MDFIC2: variants seen among roughly 807,000 people sequenced by gnomAD.
MDFIC2 encodes the protein myoD family inhibitor domain-containing protein 2.
At chr3:70,253,251 A>T (rs993697215) in intron 2 of MDFIC2, among the ~76,000 whole-genome samples, 10 of 152,190 alleles carry the variant, frequency 6.6e-5, no homozygotes, top group Non-Finnish European at 1.2e-4. Context: ...TCCTGAAAGA[A>T]GTAATAGAGG....
At chr3:70,229,297 C>T (rs930849285) in intron 2 of MDFIC2, among the ~76,000 whole-genome samples, 1 of 152,160 alleles carries the variant, frequency 6.6e-6, no homozygotes, top group Non-Finnish European at 1.5e-5. Context: ...GCAACCATGT[C>T]AGTGCCTATA....
chr3:70,303,842 T>G (rs907773631), intron 2 of MDFIC2, among the ~76,000 whole-genome samples: 1 of 152,000 alleles, frequency 6.6e-6, no homozygotes, highest in East Asian at 1.9e-4. Context: ...CCACCATGCC[T>G]GTGTAATTTT....
intron 2 of MDFIC2, among the ~76,000 whole-genome samples, chr3:70,308,705 T>C (rs1702426200): frequency 6.6e-6 from 1 of 152,174 alleles, no homozygotes; most frequent in African/African-American, 2.4e-5. Flanking sequence ...ACTTACACCT[T>C]GTCTCTAGTC....
At chr3:70,220,884 G>A (rs534553349) in intron 2 of MDFIC2, among the ~76,000 whole-genome samples, 1 of 152,254 alleles carries the variant, frequency 6.6e-6, no homozygotes, top group East Asian at 1.9e-4. Context: ...CATCAGGGAG[G>A]GGAACCATGC....
intron 2 of MDFIC2, among the ~76,000 whole-genome samples, chr3:70,298,650 T>C (rs180824672): frequency 6.6e-6 from 1 of 152,264 alleles, no homozygotes; most frequent in African/African-American, 2.4e-5. Context: ...GGAATCCAAC[T>C]GAATGAGTAA....
chr3:70,218,381 C>A (rs1055234037), intron 2 of MDFIC2, among the ~76,000 whole-genome samples: 1 of 152,086 alleles, frequency 6.6e-6, no homozygotes, highest in Non-Finnish European at 1.5e-5. Context: ...CTATTTTTCC[C>A]TTTTTTACTA....
intron 2 of MDFIC2, among the ~76,000 whole-genome samples, chr3:70,275,319 G>C (rs966775835): frequency 1.3e-5 from 2 of 152,004 alleles, no homozygotes; most frequent in Admixed American, 6.6e-5. Flanking sequence ...GCCCAGCCCA[G>C]GCAACATAGT....
intron 2 of MDFIC2, among the ~76,000 whole-genome samples, chr3:70,207,299 C>G (rs999643730): frequency 1.3e-5 from 2 of 152,064 alleles, no homozygotes; most frequent in Admixed American, 6.6e-5. Context: ...TAAGCTCATT[C>G]CTGCTTCTGT....
intron 2 of MDFIC2, among the ~76,000 whole-genome samples, chr3:70,305,942 T>C (rs1702395849): frequency 6.6e-6 from 1 of 152,194 alleles, no homozygotes; most frequent in South Asian, 2.1e-4. Flanking sequence ...TAGGCTCTTT[T>C]CTAGTATTTT....
At chr3:70,294,707 G>T (rs150652110) in intron 2 of MDFIC2, among the ~76,000 whole-genome samples, 1 of 152,118 alleles carries the variant, frequency 6.6e-6, no homozygotes, top group East Asian at 1.9e-4. Flanking sequence ...AATGGCTCGA[G>T]GATTGATTAA....
intron 2 of MDFIC2, among the ~76,000 whole-genome samples, chr3:70,277,821 T>C (rs1702042005): frequency 6.6e-6 from 1 of 152,002 alleles, no homozygotes; most frequent in East Asian, 1.9e-4. Flanking sequence ...GTTGTTGAGA[T>C]CTATGTGCCA....
At chr3:70,284,288 T>A (rs1477486982) in intron 2 of MDFIC2, among the ~76,000 whole-genome samples, 1 of 152,194 alleles carries the variant, frequency 6.6e-6, no homozygotes, top group Non-Finnish European at 1.5e-5. Flanking sequence ...TTTATTTCTG[T>A]AAACTGCTCT....
intron 2 of MDFIC2, among the ~76,000 whole-genome samples, chr3:70,230,010 T>C (rs1701543312): frequency 6.6e-6 from 1 of 152,194 alleles, no homozygotes; most frequent in African/African-American, 2.4e-5. Context: ...TATTATTATC[T>C]AATTTTATCA....
At chr3:70,209,721 C>G (rs561048430) in intron 2 of MDFIC2, among the ~76,000 whole-genome samples, 1 of 152,168 alleles carries the variant, frequency 6.6e-6, no homozygotes, top group Non-Finnish European at 1.5e-5. Context: ...TAGCTTTTAT[C>G]TCTCCTTCCT....
intron 2 of MDFIC2, among the ~76,000 whole-genome samples, chr3:70,280,673 A>G (rs1201214243): frequency 6.6e-6 from 1 of 152,132 alleles, no homozygotes; most frequent in Non-Finnish European, 1.5e-5. Context: ...CATAGAAACT[A>G]GAATACCTCT....
chr3:70,196,021 C>A lies in MDFIC2; in HGVS notation c.*905G>T, dbSNP rs981738362. Among the ~76,000 whole-genome samples, 1 of 152,058 alleles carries A rather than the reference C, an allele frequency of 6.6e-6. No homozygotes were observed. Among genetic ancestry groups the A allele is most frequent in the African/African-American group, 2.4e-5 (1 of 41,404 alleles). On this transcript the variant is annotated 3_prime_UTR_variant, in exon 4 of 4. Transcript: ENST00000567252. ...AAGAAGCTTGGTGCTGAATAAGTAC[C>A]CTCAACGCTTATTTCTTTCTGGTGT... is the stretch of plus-strand genomic sequence containing the variant.
intron 2 of MDFIC2, among the ~76,000 whole-genome samples, chr3:70,224,780 A>T (rs1040048975): frequency 6.6e-6 from 1 of 152,048 alleles, no homozygotes; most frequent in Non-Finnish European, 1.5e-5. Flanking sequence ...TTTGCGCTCT[A>T]TTAAAACATT....
chr3:70,230,128 A>ATT (rs1701544015), intron 2 of MDFIC2, among the ~76,000 whole-genome samples: 1 of 152,246 alleles, frequency 6.6e-6, no homozygotes, highest in African/African-American at 2.4e-5. Context: ...TAGAATTAAA[A>ATT]ATGGTCAGGC....
chr3:70,290,062 T>G (rs1362372338), intron 2 of MDFIC2, among the ~76,000 whole-genome samples: 4 of 152,194 alleles, frequency 2.6e-5, no homozygotes, highest in Admixed American at 6.5e-5. Flanking sequence ...TCTCAGCTCG[T>G]CAAAGTCATT....
Sources: allele counts gnomAD v4.1 joint callset (sites outside exome capture counted in the v4.1 genomes callset), GRCh38; gene constraint gnomAD v4.1.1; transcripts MANE v1.5; gene names NCBI Gene and HGNC (gene_info 2026-07-23, HGNC 2026-07-21).